Variants in LRIT1 observed in about 807,000 individuals in gnomAD.
The protein encoded by LRIT1 is leucine rich repeat, Ig-like and transmembrane domains 1, also known as leucine-rich repeat, immunoglobulin-like domain and transmembrane domain-containing protein 1.
A neutral mutation model predicts 24.0 loss-of-function variants in LRIT1; 23 were observed. The ratio of observed to expected loss-of-function variants is 0.96; its 90% CI spans 0.69 to 1.36. The LOEUF (loss-of-function observed/expected upper bound fraction) is 1.36, where lower values mean the gene tolerates loss of function less well. Ranked by LOEUF, LRIT1 falls within the 40% of genes most tolerant of loss-of-function variation. LRIT1 has a pLI of 0.00. For synonymous variants in LRIT1, 361 were observed against 340.5 expected (o/e 1.06, Z -0.66); for missense variants, 846 against 806.3 (o/e 1.05, Z -0.60).
At position 84,232,666 on chromosome 10, in the gene LRIT1, A is replaced by G. The variant is rs778115136; in HGVS notation, c.1133T>C (p.Leu378Pro). The change falls in exon 4 of 4, where the codon CTG becomes CCG. Residue 378 changes from leucine to proline, a missense_variant. Physicochemically the swap from Leu to Pro is moderately conservative, Grantham distance 98 (BLOSUM62 -3). Coordinates refer to ENST00000372105, the MANE Select transcript of LRIT1 (RefSeq NM_015613.3). ...GGEAAAYNNKLVARHVPQIPK... is the reference protein window; with the variant it reads ...GGEAAAYNNKPVARHVPQIPK... ...AATCTGGGGGACATGCCTGGCCACC[A>G]GCTTGTTGTTGTAAGCAGCAGCTTC... is the stretch of plus-strand genomic sequence containing the variant. The G allele has an allele frequency of 2.5e-6, 4 of 1,613,650 alleles. No individual in the cohort carries two copies. The South Asian group carries it at 4.4e-5, about 18-fold the overall frequency.
rs1842689547 is a variant in LRIT1, at chr10:84,241,377, GC to G, written c.62del (p.Gly21AlafsTer23). 6.2e-7 allele frequency: 1 copy of G among 1,611,718 alleles called. No homozygotes were observed. The highest frequency in any genetic ancestry group is 8.5e-7 in the Non-Finnish European group (1 of 1,179,130). On this transcript the variant is annotated frameshift_variant, in exon 1 of 4. Transcript: ENST00000372105. LOFTEE classifies it high-confidence loss of function. ...LALAWPPQARGFCPSQCSCSL... is the reference protein window; with the variant it reads ...LALAWPPQARXFCPSQCSCSL... ...TGCAGCTGCATTGAGAGGGGCAGAA[GC>G]CCCGGGCCTGGGGGGGCCACGCAAG...
intron 2 of LRIT1, 33 bp downstream of exon 2, chr10:84,237,187 C>T (rs1842655393): frequency 6.8e-7 from 1 of 1,479,622 alleles, no homozygotes; most frequent in Admixed American, 2.1e-5. Flanking sequence ...GGTAACTTGC[C>T]TAAGACCCCA....
intron 3 of LRIT1, 134 bp from the exon 4 acceptor site, chr10:84,233,037 T>C (rs1842617184): frequency 2.0e-6 from 2 of 997,082 alleles, no homozygotes; most frequent in East Asian, 2.6e-5. Flanking sequence ...AGTCACTCAG[T>C]GTTTCTTAGA....
Position 84,231,733 on chromosome 10 carries a change from AC to A in LRIT1, c.*193del. On this transcript the variant is annotated 3_prime_UTR_variant, in exon 4 of 4. Transcript: ENST00000372105. ...GTTACAAGAATTTAGCACTTAGAACACTTTCTAGTCTGTAGTAAGTGCTTAA... is the reference window on the plus strand; with the variant it reads ...GTTACAAGAATTTAGCACTTAGAACATTTCTAGTCTGTAGTAAGTGCTTAA... 1 of 596,502 alleles carries A rather than the reference AC, an allele frequency of 1.7e-6. No homozygotes were observed. Among genetic ancestry groups the A allele is most frequent in the Non-Finnish European group, 2.9e-6 (1 of 342,190 alleles). The allele number at this position is 596,502 out of a possible 1,614,324, so 37.0% of individuals were successfully genotyped here. A position where few individuals can be genotyped will look rare whatever the true frequency, so the allele number is the denominator to read the frequency against.
At chr10:84,233,935 G>A (rs1842625154) in intron 3 of LRIT1, 138 bp downstream of exon 3, 1 of 705,878 alleles carries the variant, frequency 1.4e-6, no homozygotes, top group Admixed American at 3.6e-5. Context: ...GGAAGCCCCT[G>A]TCAAACTCAA....
chr10:84,241,245 A>T, intron 1 of LRIT1, 73 bp downstream of exon 1: 1 of 1,605,594 alleles, frequency 6.2e-7, no homozygotes, highest in Non-Finnish European at 8.5e-7. Flanking sequence ...CCCAGCTCCA[A>T]CTCCTCCCAA....
At chr10:84,236,083 T>TCC (rs1842645036) in intron 2 of LRIT1, among the ~76,000 whole-genome samples, 1 of 151,262 alleles carries the variant, frequency 6.6e-6, no homozygotes, top group East Asian at 2.0e-4. Context: ...GATCACGAGG[T>TCC]CAGGAGATCG....
chr10:84,233,953 A>T, intron 3 of LRIT1, 120 bp downstream of exon 3: 1 of 872,718 alleles, frequency 1.1e-6, no homozygotes, highest in Non-Finnish European at 1.6e-6. Flanking sequence ...CAACTCAGAC[A>T]GGTGGAAGCC....
intron 1 of LRIT1, among the ~76,000 whole-genome samples, chr10:84,239,234 G>A (rs1330536581): frequency 6.6e-6 from 1 of 152,218 alleles, no homozygotes; most frequent in East Asian, 1.9e-4. Flanking sequence ...CATACAGTGT[G>A]TAATCTAGCT....
intron 1 of LRIT1, among the ~76,000 whole-genome samples, chr10:84,239,883 A>G (rs1333084243): frequency 1.3e-5 from 2 of 152,216 alleles, no homozygotes; most frequent in African/African-American, 4.8e-5. Context: ...AGGGCCCGCT[A>G]CCACCTTTCA....
rs1842595757 is a variant in LRIT1, at chr10:84,231,531, C to T, written c.*396G>A. Reference sequence around the variant, plus strand: ...CAGGCTCCAAATGAAACACACAGAGCAGAGCCACCCTAATCAACCCACAGG... The same window carrying T: ...CAGGCTCCAAATGAAACACACAGAGTAGAGCCACCCTAATCAACCCACAGG... On this transcript the variant is annotated 3_prime_UTR_variant, in exon 4 of 4. Transcript: ENST00000372105. 1 of 211,884 alleles carries T rather than the reference C, an allele frequency of 4.7e-6. No individual in the cohort carries two copies. The highest frequency in any genetic ancestry group is 5.2e-5 in the Admixed American group (1 of 19,120). 13.1% of individuals were successfully genotyped at this position (211,884 alleles called of 1,614,324 possible). A position where few individuals can be genotyped will look rare whatever the true frequency, so the allele number is the denominator to read the frequency against.
intron 1 of LRIT1, among the ~76,000 whole-genome samples, chr10:84,238,707 A>AGC (rs1190135915): frequency 6.6e-6 from 1 of 152,250 alleles, no homozygotes; most frequent in African/African-American, 2.4e-5. Flanking sequence ...ACCCTGCATG[A>AGC]GCCCAAGGGT....
chr10:84,231,739 T>C lies in LRIT1; in HGVS notation c.*188A>G. 1.7e-6 allele frequency: 1 copy of C among 605,398 alleles called. No individual in the cohort carries two copies. Among genetic ancestry groups the C allele is most frequent in the Non-Finnish European group, 2.9e-6 (1 of 348,628 alleles). 37.5% of individuals were successfully genotyped at this position (605,398 alleles called of 1,614,324 possible). ...AGAATTTAGCACTTAGAACACTTTC[T>C]AGTCTGTAGTAAGTGCTTAACAAGT... On this transcript the variant is annotated 3_prime_UTR_variant, in exon 4 of 4. Transcript: ENST00000372105.
rs188432514 is a variant in LRIT1 at position 84,238,214 on chromosome 10, G to T, written c.123-528C>A. 2.7e-3 allele frequency among the ~76,000 whole-genome samples: 410 copies of T among 152,074 alleles called. 1 individual carries two copies. Among genetic ancestry groups the T allele is most frequent in the African/African-American group, 9.5e-3 (396 of 41,476 alleles). ...ACTAAAAAATACAAAAATTAGCCAG[G>T]CATTGTGGTGCACCCCTGTAGTCCC... On this transcript the variant is annotated intron_variant, in intron 1 of 3. Transcript: ENST00000372105.
In LRIT1 at chr10:84,241,546, C is replaced by T; in HGVS notation, c.-107G>A. 3.3e-6 allele frequency: 4 copies of T among 1,202,496 alleles called. No individual in the cohort carries two copies. The highest frequency in any genetic ancestry group is 3.1e-5 in the African/African-American group (2 of 63,882). 74.5% of individuals were successfully genotyped at this position (1,202,496 alleles called of 1,614,324 possible). On this transcript the variant is annotated 5_prime_UTR_variant, in exon 1 of 4. The change creates a new upstream start codon in the 5' untranslated region. Coordinates refer to ENST00000372105, the MANE Select transcript of LRIT1 (RefSeq NM_015613.3). The stretch of plus-strand genomic sequence containing the variant: ...CCCACTTGCTCGCCAGCCCCTTACA[C>T]CCCCTCCTGAGGCCATCGGATAAAC...
In LRIT1 at chr10:84,232,175, G is replaced by C; in HGVS notation, c.1624C>G (p.Pro542Ala). The C allele has an allele frequency of 6.2e-7, 1 of 1,614,202 alleles. No homozygotes were observed. The highest frequency in any genetic ancestry group is 1.6e-4 in the Middle Eastern group (1 of 6,062). The change falls in exon 4 of 4, where the codon CCT becomes GCT. Residue 542 changes from proline (P) to alanine (A), a missense_variant. Transcript: ENST00000372105. ...VISVAIVIAL[P>A]LTLLVCCSAL... is the part of the protein sequence containing the mutation. ...CTGCAGCAGACAAGCAGCGTGAGAG[G>C]CAGGGCAATGACGATGGCCACACTG...
intron 3 of LRIT1, among the ~76,000 whole-genome samples, chr10:84,233,305 A>G (rs906886453): frequency 6.6e-6 from 1 of 152,070 alleles, no homozygotes; most frequent in Non-Finnish European, 1.5e-5. Context: ...AGTAGCTGGG[A>G]CCACAGGCAC....
chr10:84,238,765 G>A (rs941200883), intron 1 of LRIT1, among the ~76,000 whole-genome samples: 2 of 152,180 alleles, frequency 1.3e-5, no homozygotes, highest in African/African-American at 4.8e-5. Context: ...CAAGTAGATC[G>A]GGTCAGTCTT....
intron 1 of LRIT1, 62 bp from the exon 2 acceptor site, chr10:84,237,748 C>G: frequency 7.5e-7 from 1 of 1,331,950 alleles, no homozygotes; most frequent in Non-Finnish European, 1.0e-6. Flanking sequence ...TCTCCCACCG[C>G]TACCTCCCTT....
Sources: gnomAD v4.1 joint callset for allele counts (sites outside exome capture counted in the v4.1 genomes callset) on GRCh38, gnomAD v4.1.1 for gene constraint, MANE v1.5 for transcripts, NCBI Gene and HGNC (gene_info 2026-07-23, HGNC 2026-07-21) for gene names.